Variants in ZNF280B observed in about 807,000 individuals in gnomAD.
ZNF280B encodes the protein suppressor of hairy wing homolog 2.
In ZNF280B, 16 loss-of-function variants were observed where a neutral mutation model predicts 38.0. The ratio of observed to expected loss-of-function variants is 0.42; its 90% CI spans 0.28 to 0.64. ZNF280B has a LOEUF of 0.64. ZNF280B is among the 30% of genes least tolerant of loss of function. ZNF280B has a pLI of 0.21. For missense variants in ZNF280B, 581 were observed against 639.6 expected (o/e 0.91, Z 0.99); for synonymous variants, 253 against 230.6 (o/e 1.10, Z -0.88).
chr22:22,500,614 G>C (rs888803583), intron 2 of ZNF280B, among the ~76,000 whole-genome samples: 4 of 151,888 alleles, frequency 2.6e-5, no homozygotes, highest in Non-Finnish European at 4.4e-5. Context: ...CCAGGACTTT[G>C]GGAGGCTGAG....
At position 22,485,610 on chromosome 22, in the gene ZNF280B, G is replaced by C. The variant is rs895485442; in HGVS notation, c.*2157C>G. The C allele has an allele frequency of 6.6e-6, 1 of 151,904 alleles. No homozygotes were observed. The highest frequency in any genetic ancestry group is 1.5e-5 in the Non-Finnish European group (1 of 68,006). The allele number at this position is 151,904 out of a possible 1,614,324, so 9.4% of individuals were successfully genotyped here. A position where few individuals can be genotyped will look rare whatever the true frequency, so the allele number is the denominator to read the frequency against. On this transcript the variant is annotated 3_prime_UTR_variant, in exon 4 of 4. Coordinates refer to ENST00000626650, the MANE Select transcript of ZNF280B (RefSeq NM_080764.4). ...TATACTCACAACTTCTTTGTTATCT[G>C]TACTGCCTTCTACTCTAAGAGGGAT...
chr22:22,498,765 A>T (rs5758503), intron 2 of ZNF280B, among the ~76,000 whole-genome samples: 20,794 of 147,854 alleles, frequency 0.14, 1,761 homozygotes, highest in South Asian at 0.28. Flanking sequence ...AAATCATATA[A>T]AAAAAAAGAA....
chr22:22,490,214 A>G (rs1270835404), intron 3 of ZNF280B, among the ~76,000 whole-genome samples: 4 of 151,906 alleles, frequency 2.6e-5, no homozygotes, highest in African/African-American at 7.3e-5. Flanking sequence ...CACTGAACTT[A>G]AACACAACAG....
chr22:22,490,979 A>G (rs1408912348), intron 3 of ZNF280B, among the ~76,000 whole-genome samples: 1 of 150,792 alleles, frequency 6.6e-6, no homozygotes, highest in Non-Finnish European at 1.5e-5. Context: ...TTCATCCCCA[A>G]AGCCCTATCA....
intron 2 of ZNF280B, among the ~76,000 whole-genome samples, chr22:22,504,082 G>C (rs2061882028): frequency 6.6e-6 from 1 of 151,956 alleles, no homozygotes; most frequent in Non-Finnish European, 1.5e-5. Flanking sequence ...ACAAGGAATG[G>C]ACCTAAACAC....
At chr22:22,492,006 C>T (rs1037642648) in intron 3 of ZNF280B, among the ~76,000 whole-genome samples, 19 of 151,842 alleles carry the variant, frequency 1.3e-4, no homozygotes, top group African/African-American at 4.6e-4. Context: ...TAATAAATGC[C>T]ATGCACATTT....
At chr22:22,492,178 T>C (rs1285303881) in intron 3 of ZNF280B, among the ~76,000 whole-genome samples, 1 of 151,908 alleles carries the variant, frequency 6.6e-6, no homozygotes, top group Non-Finnish European at 1.5e-5. Context: ...GAATAGTGAT[T>C]TACAACTTAA....
chr22:22,484,697 C>T lies in ZNF280B; in HGVS notation c.*3070G>A, dbSNP rs1289027562. ...ATTAATTTTCATTTGGTTGCAGGCA[C>T]AGAAATTGACTCAAGCTAGCTCAAT... is the stretch of plus-strand genomic sequence containing the variant. On this transcript the variant is annotated 3_prime_UTR_variant, in exon 4 of 4. Coordinates refer to ENST00000626650, the MANE Select transcript of ZNF280B (RefSeq NM_080764.4). 1 of 152,232 alleles carries T rather than the reference C, an allele frequency of 6.6e-6. No individual in the cohort carries two copies. The highest frequency in any genetic ancestry group is 2.4e-5 in the African/African-American group (1 of 41,346). 9.4% of individuals were successfully genotyped at this position (152,232 alleles called of 1,614,324 possible). A position where few individuals can be genotyped will look rare whatever the true frequency, so the allele number is the denominator to read the frequency against.
At position 22,488,325 on chromosome 22, in the gene ZNF280B, T is replaced by C. The variant is rs1368744522; in HGVS notation, c.1074A>G (p.Leu358=). ...CHRQFPTPFQ[L]QCHIENVHTA... is the part of the protein sequence containing the mutation. ...TGTGGACATTTTCGATGTGACACTG[T>C]AGCTGGAAGGGAGTGGGAAACTGCC... is the stretch of plus-strand genomic sequence containing the variant. The change falls in exon 4 of 4, where the codon CTA becomes CTG. Residue 358 remains leucine, a synonymous_variant. Transcript: ENST00000626650. 1 of 1,613,860 alleles carries C rather than the reference T, an allele frequency of 6.2e-7. No homozygotes were observed. The highest frequency in any genetic ancestry group is 2.2e-5 in the East Asian group (1 of 44,800).
chr22:22,502,625 T>C (rs1371265831), intron 2 of ZNF280B, among the ~76,000 whole-genome samples: 1 of 151,876 alleles, frequency 6.6e-6, no homozygotes, highest in Non-Finnish European at 1.5e-5. Context: ...AAGCATACAA[T>C]ACGGTGTACC....
At chr22:22,508,957 A>T (rs947886713), upstream of ZNF280B, 2 of 152,550 alleles carry the variant, frequency 1.3e-5, no homozygotes, top group Non-Finnish European at 2.9e-5. Flanking sequence ...CCTTGAAAGG[A>T]TCTTGGGTTC....
At chr22:22,492,245 T>C (rs1034461579) in intron 3 of ZNF280B, among the ~76,000 whole-genome samples, 3 of 151,990 alleles carry the variant, frequency 2.0e-5, no homozygotes, top group Admixed American at 1.3e-4. Context: ...CACTGCTCTC[T>C]GGAGTCAACT....
intron 3 of ZNF280B, among the ~76,000 whole-genome samples, chr22:22,491,137 T>C (rs2061585739): frequency 6.6e-6 from 1 of 151,950 alleles, no homozygotes; most frequent in Non-Finnish European, 1.5e-5. Context: ...GGACAGGTGC[T>C]CAACAAATAC....
chr22:22,502,227 G>A (rs2061840759), intron 2 of ZNF280B, among the ~76,000 whole-genome samples: 1 of 151,936 alleles, frequency 6.6e-6, no homozygotes, highest in Admixed American at 6.6e-5. Flanking sequence ...TAGTCATTAA[G>A]GAAATGCAAA....
rs1176358434 is a variant in ZNF280B, at chr22:22,487,516, TCA to T, written c.*249_*250del. On this transcript the variant is annotated 3_prime_UTR_variant, in exon 4 of 4. Transcript: ENST00000626650. ...ATAAATTAATACCTTTTTCTCTCTCTCACACACACACACAAACACCTTTTATG... is the reference window on the plus strand; with the variant it reads ...ATAAATTAATACCTTTTTCTCTCTCTCACACACACACAAACACCTTTTATG... 100 of 316,652 alleles carry T rather than the reference TCA, an allele frequency of 3.2e-4. No individual in the cohort carries two copies. The highest frequency in any genetic ancestry group is 4.5e-4 in the East Asian group (9 of 20,014). The allele number at this position is 316,652 out of a possible 1,614,324, so 19.6% of individuals were successfully genotyped here. A position where few individuals can be genotyped will look rare whatever the true frequency, so the allele number is the denominator to read the frequency against.
At chr22:22,493,633 C>A (rs901511817) in intron 3 of ZNF280B, among the ~76,000 whole-genome samples, 2 of 151,968 alleles carry the variant, frequency 1.3e-5, no homozygotes, top group African/African-American at 4.8e-5. Flanking sequence ...TTCTACCTCT[C>A]ATGTCCATTC....
intron 2 of ZNF280B, among the ~76,000 whole-genome samples, chr22:22,501,446 C>T (rs79881077): frequency 0.016 from 2,437 of 151,736 alleles, 65 homozygotes; most frequent in African/African-American, 0.055. Context: ...CGCCTGTAAT[C>T]GCAGCTACTC....
intron 2 of ZNF280B, among the ~76,000 whole-genome samples, chr22:22,504,967 G>A (rs4820449): frequency 0.12 from 17,888 of 151,762 alleles, 1,248 homozygotes; most frequent in South Asian, 0.27. Context: ...TTCCAGAAGG[G>A]GTAGTCAGAA....
At chr22:22,508,308 C>A (rs1383782540) in intron 1 of ZNF280B, among the ~76,000 whole-genome samples, 2 of 151,838 alleles carry the variant, frequency 1.3e-5, no homozygotes, top group African/African-American at 4.8e-5. Context: ...ACATTGAGCG[C>A]CAAAAGAGAC....
Sources: allele counts gnomAD v4.1 joint callset (sites outside exome capture counted in the v4.1 genomes callset), GRCh38; gene constraint gnomAD v4.1.1; transcripts MANE v1.5; gene names NCBI Gene and HGNC (gene_info 2026-07-23, HGNC 2026-07-21).